Variants in RSRC2 observed in about 807,000 individuals in gnomAD.
RSRC2 encodes the protein arginine and serine rich coiled-coil 2, also known as arginine/serine-rich coiled-coil protein 2.
A neutral mutation model predicts 61.3 loss-of-function variants in RSRC2; 5 were observed. The ratio of observed to expected loss-of-function variants is 0.08; its 90% confidence interval spans 0.04 to 0.17. RSRC2 has a LOEUF of 0.17. RSRC2 is among the 10% of genes least tolerant of loss of function. The pLI, the probability that RSRC2 is intolerant of heterozygous loss-of-function variation, is 1.00. For synonymous variants in RSRC2, 202 were observed against 166.5 expected (o/e 1.21, Z -1.64); for missense variants, 381 against 518.8 (o/e 0.73, Z 2.58).
chr12:122,510,942 G>A (rs888643302), intron 7 of RSRC2, among the ~76,000 whole-genome samples, 167 bp downstream of exon 7: 4 of 152,124 alleles, frequency 2.6e-5, no homozygotes, highest in African/African-American at 9.7e-5. Context: ...CCAGCTACTC[G>A]GTAGGCTGAG....
At chr12:122,505,784 A>T (rs1250233425) in intron 9 of RSRC2, 78 bp from the exon 10 acceptor site, 147 of 1,063,140 alleles carry the variant, frequency 1.4e-4, no homozygotes, top group South Asian at 9.6e-4. Context: ...TTTTTTATGT[A>T]TTTTTTTTTT....
rs538390285 is a variant in RSRC2 at position 122,504,986 on chromosome 12, T to C, written c.*541A>G. 2 of 152,736 alleles carry C rather than the reference T, an allele frequency of 1.3e-5. No individual in the cohort carries two copies. The highest frequency in any genetic ancestry group is 2.1e-4 in the South Asian group (1 of 4,830). 9.5% of individuals were successfully genotyped at this position (152,736 alleles called of 1,614,324 possible). On this transcript the variant is annotated 3_prime_UTR_variant, in exon 10 of 10. Transcript: ENST00000331738. ...TCTAGCTAGTGTTTTCTAACAGCAA[T>C]TGCCAAATGCTACAGAAACTATAAA...
chr12:122,504,397 G>A lies in RSRC2; in HGVS notation c.*1130C>T, dbSNP rs1356564287. 6.6e-6 allele frequency: 1 copy of A among 152,032 alleles called. No homozygotes were observed. The highest frequency in any genetic ancestry group is 1.5e-5 in the Non-Finnish European group (1 of 68,000). The allele number at this position is 152,032 out of a possible 1,614,324, so 9.4% of individuals were successfully genotyped here. A position where few individuals can be genotyped will look rare whatever the true frequency, so the allele number is the denominator to read the frequency against. On this transcript the variant is annotated 3_prime_UTR_variant, in exon 10 of 10. Coordinates refer to ENST00000331738, the MANE Select transcript of RSRC2 (RefSeq NM_023012.6). ...AATCCCGGCACTTTGGGAGGCTGAG[G>A]AGGGTGGATCACCTGAGGTCAGGAG...
intron 7 of RSRC2, among the ~76,000 whole-genome samples, chr12:122,510,171 C>A (rs774175908): frequency 8.5e-5 from 13 of 152,054 alleles, no homozygotes; most frequent in Non-Finnish European, 1.8e-4. Context: ...AACTTGATTT[C>A]TTGAAAGAGA....
intron 5 of RSRC2, among the ~76,000 whole-genome samples, chr12:122,516,461 G>A (rs938594708): frequency 6.6e-6 from 1 of 152,150 alleles, no homozygotes; most frequent in Non-Finnish European, 1.5e-5. Flanking sequence ...AGATATATCT[G>A]AAACCTGCTC....
chr12:122,506,885 A>G lies in RSRC2; in HGVS notation c.1074T>C (p.Asn358=). Reference sequence around the variant, plus strand: ...TGACATTTTGGTCCTTGTTTCCAAAATTCAATTTTTCCCATATTTCAGCAG... The same window carrying G: ...TGACATTTTGGTCCTTGTTTCCAAAGTTCAATTTTTCCCATATTTCAGCAG... The part of the protein sequence containing the change: ...SQSAEIWEKL[N]FGNKDQNVKF... Residue 358 remains asparagine, a synonymous_variant, in exon 9 of 10, where the codon AAT becomes AAC. Coordinates refer to ENST00000331738, the MANE Select transcript of RSRC2 (RefSeq NM_023012.6). 1 of 1,611,362 alleles carries G rather than the reference A, an allele frequency of 6.2e-7. No individual in the cohort carries two copies. Among genetic ancestry groups the G allele is most frequent in the African/African-American group, 1.3e-5 (1 of 74,956 alleles).
chr12:122,506,468 G>A, intron 9 of RSRC2: 1 of 183,406 alleles, frequency 5.5e-6, no homozygotes, highest in Non-Finnish European at 1.1e-5. Flanking sequence ...GATGGAGGCT[G>A]GGCGCAGTGG....
Position 122,511,200 on chromosome 12 carries a change from A to G in RSRC2, c.726-12T>C. 2 of 1,567,886 alleles carry G rather than the reference A, an allele frequency of 1.3e-6. No homozygotes were observed. The highest frequency in any genetic ancestry group is 1.7e-6 in the Non-Finnish European group (2 of 1,145,262). ...TTGCCCTTTCCAACCTGCAAAATTAATTTCAATGAATTTAAAATAACACAA... is the reference window on the plus strand; with the variant it reads ...TTGCCCTTTCCAACCTGCAAAATTAGTTTCAATGAATTTAAAATAACACAA... On this transcript the variant is annotated splice_polypyrimidine_tract_variant and intron_variant, in intron 6 of 9. Transcript: ENST00000331738.
rs1957987007 is a variant in RSRC2 at position 122,503,458 on chromosome 12, T to C, written c.*2069A>G. 6.6e-6 allele frequency: 1 copy of C among 152,162 alleles called. No homozygotes were observed. Among genetic ancestry groups the C allele is most frequent in the Admixed American group, 6.5e-5 (1 of 15,276 alleles). 9.4% of individuals were successfully genotyped at this position (152,162 alleles called of 1,614,324 possible). On this transcript the variant is annotated 3_prime_UTR_variant, in exon 10 of 10. Coordinates refer to ENST00000331738, the MANE Select transcript of RSRC2 (RefSeq NM_023012.6). ...GGAAGATCACTTGGACCAATATACA[T>C]ATACACACATATTTTATTGGACAGT...
intron 6 of RSRC2, chr12:122,514,708 T>G (rs1958779534): frequency 3.4e-6 from 4 of 1,160,164 alleles, no homozygotes; most frequent in Non-Finnish European, 4.4e-6. Context: ...AAAATTTTAC[T>G]TACTGTTTCA....
intron 6 of RSRC2, chr12:122,513,856 T>G: frequency 1.0e-6 from 1 of 974,802 alleles, no homozygotes; most frequent in South Asian, 4.7e-5. Flanking sequence ...CTGGGCAACA[T>G]AGGGAGACCC....
chr12:122,504,949 G>A lies in RSRC2; in HGVS notation c.*578C>T, dbSNP rs950563668. 2 of 152,716 alleles carry A rather than the reference G, an allele frequency of 1.3e-5. No homozygotes were observed. Among genetic ancestry groups the A allele is most frequent in the East Asian group, 3.9e-4 (2 of 5,192 alleles). 9.5% of individuals were successfully genotyped at this position (152,716 alleles called of 1,614,324 possible). A position where few individuals can be genotyped will look rare whatever the true frequency, so the allele number is the denominator to read the frequency against. On this transcript the variant is annotated 3_prime_UTR_variant, in exon 10 of 10. Coordinates refer to ENST00000331738, the MANE Select transcript of RSRC2 (RefSeq NM_023012.6). The stretch of plus-strand genomic sequence containing the variant: ...GTTAACTGGCCTTAAAAAGGGTGGT[G>A]GGGAGGGGATTTCTAGCTAGTGTTT...
Position 122,503,930 on chromosome 12 carries a change from A to T in RSRC2, c.*1597T>A, listed in dbSNP as rs1030579494. 3.1e-4 allele frequency: 47 copies of T among 152,130 alleles called. No individual in the cohort carries two copies. The highest frequency in any genetic ancestry group is 1.1e-3 in the African/African-American group (47 of 41,416). The allele number at this position is 152,130 out of a possible 1,614,324, so 9.4% of individuals were successfully genotyped here. On this transcript the variant is annotated 3_prime_UTR_variant, in exon 10 of 10. Coordinates refer to ENST00000331738, the MANE Select transcript of RSRC2 (RefSeq NM_023012.6). ...AGACCTTGTCTTTATAAAAAATTAAAAACAAGCTAGGTGTGTTGGTGAGCA... is the reference window on the plus strand; with the variant it reads ...AGACCTTGTCTTTATAAAAAATTAATAACAAGCTAGGTGTGTTGGTGAGCA...
At chr12:122,514,561 C>T (rs1356830845) in intron 6 of RSRC2, 16 of 975,558 alleles carry the variant, frequency 1.6e-5, no homozygotes, top group East Asian at 1.1e-4. Flanking sequence ...CGATTGCACC[C>T]GGCCGAAACA....
chr12:122,506,216 T>A (rs1342906976), intron 9 of RSRC2, among the ~76,000 whole-genome samples: 1 of 152,062 alleles, frequency 6.6e-6, no homozygotes. Flanking sequence ...TGAAACCCCG[T>A]CTATACTAAA....
At chr12:122,507,155 A>C (rs1423411333) in intron 8 of RSRC2, 8 of 518,864 alleles carry the variant, frequency 1.5e-5, no homozygotes, top group Non-Finnish European at 2.8e-5. Flanking sequence ...AGGTGGGCAA[A>C]TCACCTGAGG....
At chr12:122,513,343 C>A (rs1055266468) in intron 6 of RSRC2, among the ~76,000 whole-genome samples, 4 of 151,444 alleles carry the variant, frequency 2.6e-5, no homozygotes, top group Non-Finnish European at 1.5e-5. Context: ...AAAAAAGAAA[C>A]CAATATAAAA....
Position 122,517,210 on chromosome 12 carries a change from GGAT to G in RSRC2, c.602+14_602+16del, listed in dbSNP as rs1266229445. Reference sequence around the variant, plus strand: ...TGAGGGTCCTATTAAATTTTATTCAGGATGATGGTCACCTACCGACTCCTACTC... The same window carrying G: ...TGAGGGTCCTATTAAATTTTATTCAGGATGGTCACCTACCGACTCCTACTC... On this transcript the variant is annotated intron_variant, in intron 5 of 9. Transcript: ENST00000331738. 4 of 1,613,858 alleles carry G rather than the reference GGAT, an allele frequency of 2.5e-6. No homozygotes were observed. Among genetic ancestry groups the G allele is most frequent in the Non-Finnish European group, 3.4e-6 (4 of 1,179,900 alleles).
intron 8 of RSRC2, 74 bp from the exon 9 acceptor site, chr12:122,506,997 T>A: frequency 1.2e-6 from 1 of 801,112 alleles, no homozygotes; most frequent in Non-Finnish European, 2.1e-6. Context: ...CTCAACAATG[T>A]CTAAATTAAA....
Sources: allele counts gnomAD v4.1 joint callset (sites outside exome capture counted in the v4.1 genomes callset), GRCh38; gene constraint gnomAD v4.1.1; transcripts MANE v1.5; gene names NCBI Gene and HGNC (gene_info 2026-07-23, HGNC 2026-07-21).